SORCS2: variants seen among roughly 807,000 people sequenced by gnomAD.
SORCS2 encodes the protein VPS10 domain-containing receptor SorCS2.
Under a neutral mutation model 141.6 loss-of-function variants are expected in SORCS2, and 100 were observed. The observed-to-expected ratio is 0.71, with a 90% CI of 0.60 to 0.83. The LOEUF (loss-of-function observed/expected upper bound fraction) is 0.83. SORCS2 is among the 40% of genes least tolerant of loss of function. The pLI is 0.00. For synonymous variants in SORCS2, 789 were observed against 676.9 expected (o/e 1.17, Z -2.57); for missense variants, 1,646 against 1,560.2 (o/e 1.05, Z -0.93).
intron 1 of SORCS2, among the ~76,000 whole-genome samples, chr4:7,224,244 G>T (rs758293274): frequency 6.6e-6 from 1 of 152,238 alleles, no homozygotes; most frequent in Non-Finnish European, 1.5e-5. Flanking sequence ...GGGAAGGAAG[G>T]TCTGACAACA....
chr4:7,371,177 C>G (rs560211462), intron 1 of SORCS2, among the ~76,000 whole-genome samples: 2 of 152,344 alleles, frequency 1.3e-5, no homozygotes, highest in South Asian at 4.1e-4. Context: ...AGGTGTCCCC[C>G]TCAACCTGCT....
At chr4:7,448,812 C>T (rs182562529) in intron 2 of SORCS2, among the ~76,000 whole-genome samples, 5 of 23,996 alleles carry the variant, frequency 2.1e-4, no homozygotes, top group African/African-American at 9.1e-4. Flanking sequence ...CTTTTCCCTC[C>T]CTCCCTCCCT....
intron 2 of SORCS2, among the ~76,000 whole-genome samples, chr4:7,506,556 A>C (rs1362732784): frequency 6.6e-6 from 1 of 152,094 alleles, no homozygotes; most frequent in East Asian, 1.9e-4. Flanking sequence ...AAGCAAGATG[A>C]ACAGTGGAAC....
intron 1 of SORCS2, among the ~76,000 whole-genome samples, chr4:7,263,312 G>A (rs1279904059): frequency 6.6e-6 from 1 of 152,168 alleles, no homozygotes; most frequent in Non-Finnish European, 1.5e-5. Context: ...GGAGGCTGAG[G>A]AGTCCCGGTC....
intron 1 of SORCS2, among the ~76,000 whole-genome samples, chr4:7,273,980 C>T (rs1715309400): frequency 6.6e-6 from 1 of 152,252 alleles, no homozygotes; most frequent in Non-Finnish European, 1.5e-5. Context: ...ACAGGCGGAA[C>T]AGAGCCCTCC....
intron 10 of SORCS2, among the ~76,000 whole-genome samples, chr4:7,686,224 C>T (rs1723862367): frequency 6.6e-6 from 1 of 152,184 alleles, no homozygotes; most frequent in Admixed American, 6.5e-5. Context: ...GATGATTCAG[C>T]TTCATTGGAA....
intron 5 of SORCS2, 131 bp from the exon 6 acceptor site, chr4:7,661,369 C>T (rs956343154): frequency 1.3e-5 from 12 of 892,670 alleles, no homozygotes; most frequent in African/African-American, 1.7e-5. Flanking sequence ...GTGGTGATGC[C>T]CTCCGGACCC....
intron 2 of SORCS2, among the ~76,000 whole-genome samples, chr4:7,524,935 C>T (rs960702029): frequency 6.6e-6 from 1 of 152,224 alleles, no homozygotes; most frequent in African/African-American, 2.4e-5. Context: ...CATTGAGGAT[C>T]CTGTCCCCCG....
rs117901636 is a variant in SORCS2 at position 7,363,113 on chromosome 4, C to G, written c.481-33175C>G. Among the ~76,000 whole-genome samples the G allele has an allele frequency of 2.3e-4, 34 of 150,636 alleles. No homozygotes were observed. The East Asian group carries it at 5.7e-3, about 25-fold the overall frequency. On this transcript the variant is annotated intron_variant, in intron 1 of 26. Coordinates refer to ENST00000507866, the MANE Select transcript of SORCS2 (RefSeq NM_020777.3). ...TCACCATCACCACTACCATCACCAT[C>G]ATAACCATCACCGTCACCATAACCA... is the stretch of plus-strand genomic sequence containing the variant.
intron 3 of SORCS2, among the ~76,000 whole-genome samples, chr4:7,553,637 T>A (rs1713890661): frequency 6.6e-6 from 1 of 152,196 alleles, no homozygotes; most frequent in Non-Finnish European, 1.5e-5. Context: ...GGTGGAGGTG[T>A]ACGAGCCCAG....
intron 1 of SORCS2, among the ~76,000 whole-genome samples, chr4:7,388,892 TTGTTGTGG>T (rs113629807): frequency 0.29 from 44,431 of 151,362 alleles, 6,740 homozygotes; most frequent in East Asian, 0.53. Context: ...TGGTCTCTGG[TTGTTGTGG>T]TGTTGTGGTG....
At chr4:7,389,126 A>T (rs767603840) in intron 1 of SORCS2, among the ~76,000 whole-genome samples, 23 of 152,020 alleles carry the variant, frequency 1.5e-4, no homozygotes, top group Non-Finnish European at 3.2e-4. Context: ...TGGTGAACAA[A>T]TTCTGTTCCT....
At chr4:7,407,641 A>G (rs776197122) in intron 2 of SORCS2, among the ~76,000 whole-genome samples, 20 of 152,078 alleles carry the variant, frequency 1.3e-4, no homozygotes, top group African/African-American at 3.4e-4. Context: ...CAGCCACTCT[A>G]TACCTTTTCA....
chr4:7,261,742 C>T (rs868426929), intron 1 of SORCS2, among the ~76,000 whole-genome samples: 67 of 152,332 alleles, frequency 4.4e-4, no homozygotes, highest in African/African-American at 1.5e-3. Context: ...AAAAACACCT[C>T]GGGACCGGCC....
chr4:7,364,828 A>G (rs1021901339), intron 1 of SORCS2, among the ~76,000 whole-genome samples: 1 of 152,220 alleles, frequency 6.6e-6, no homozygotes, highest in Non-Finnish European at 1.5e-5. Context: ...CACAGAGTGC[A>G]CGGATGACAG....
chr4:7,333,683 A>G (rs966511078), intron 1 of SORCS2, among the ~76,000 whole-genome samples: 6 of 152,164 alleles, frequency 3.9e-5, no homozygotes, highest in Admixed American at 6.5e-5. Flanking sequence ...GCCCAAGCCC[A>G]GGGGCCCAGG....
intron 2 of SORCS2, 114 bp from the exon 3 acceptor site, chr4:7,531,416 G>A (rs1711630018): frequency 1.1e-6 from 1 of 895,672 alleles, no homozygotes; most frequent in South Asian, 1.6e-5. Flanking sequence ...TGTACTCAGG[G>A]TGTCTGGGGC....
chr4:7,403,692 T>C (rs1385680776), intron 2 of SORCS2, among the ~76,000 whole-genome samples: 1 of 151,978 alleles, frequency 6.6e-6, no homozygotes, highest in Non-Finnish European at 1.5e-5. Flanking sequence ...AGGAGAAGGT[T>C]ACACAACATT....
intron 1 of SORCS2, among the ~76,000 whole-genome samples, chr4:7,355,010 T>C (rs1306366808): frequency 6.7e-6 from 1 of 148,226 alleles, no homozygotes; most frequent in Non-Finnish European, 1.5e-5. Flanking sequence ...GAAAAGCACA[T>C]ACATACACAG....
Sources: gnomAD v4.1 joint callset for allele counts (sites outside exome capture counted in the v4.1 genomes callset) on GRCh38, gnomAD v4.1.1 for gene constraint, MANE v1.5 for transcripts, NCBI Gene and HGNC (gene_info 2026-07-23, HGNC 2026-07-21) for gene names.